The following RAPGEF6 variants were observed in gnomAD, a reference collection of about 807,000 sequenced individuals.
RAPGEF6 encodes the protein PDZ domain containing guanine nucleotide exchange factor (GEF) 2.
In RAPGEF6, 56 loss-of-function variants were observed where a neutral mutation model predicts 171.4. The observed-to-expected ratio is 0.33, with a 90% CI of 0.26 to 0.41. The LOEUF is 0.41. Ranked by LOEUF, RAPGEF6 falls within the 10% of genes least tolerant of loss-of-function variation. The pLI, the probability that RAPGEF6 is intolerant of heterozygous loss-of-function variation, is 1.00. For missense variants in RAPGEF6, 1,674 were observed against 1,921.4 expected (o/e 0.87, Z 2.41); for synonymous variants, 692 against 650.1 (o/e 1.06, Z -0.98).
intron 1 of RAPGEF6, among the ~76,000 whole-genome samples, chr5:131,608,952 A>C (rs1764779565): frequency 6.6e-6 from 1 of 151,752 alleles, no homozygotes; most frequent in Non-Finnish European, 1.5e-5. Flanking sequence ...AGTTTTATTT[A>C]TTTATTTATT....
rs374365823 is a variant in RAPGEF6 at position 131,552,787 on chromosome 5, C to T, written c.352-4597G>A. Among the ~76,000 whole-genome samples the T allele has an allele frequency of 2.5e-3, 386 of 152,136 alleles. 1 individual carries two copies. Among genetic ancestry groups the T allele is most frequent in the African/African-American group, 8.9e-3 (371 of 41,498 alleles). ...ACAAAAATGCAACTTTAACATAAAC[C>T]TCAAAGTATTACTGTACCTAAAGTT... On this transcript the variant is annotated intron_variant, in intron 5 of 27. Coordinates refer to ENST00000509018, the MANE Select transcript of RAPGEF6 (RefSeq NM_016340.6).
rs1242815650 is a variant in RAPGEF6, at chr5:131,635,044, G to T, written c.-14C>A. ...GGGTGAGTTCATGGCCACGGCCCGG[G>T]TACTCCGCAGCCTGCCCTTAGCAGC... On this transcript the variant is annotated 5_prime_UTR_variant, in exon 1 of 28. Coordinates refer to ENST00000509018, the MANE Select transcript of RAPGEF6 (RefSeq NM_016340.6). 6.3e-7 allele frequency: 1 copy of T among 1,598,942 alleles called. No homozygotes were observed. Among genetic ancestry groups the T allele is most frequent in the South Asian group, 1.1e-5 (1 of 90,484 alleles).
chr5:131,429,054 T>G lies in RAPGEF6; in HGVS notation c.4628A>C (p.His1543Pro). The change falls in exon 27 of 28, where the codon CAT becomes CCT. Residue 1543 changes from histidine (H) to proline (P), a missense_variant. By Grantham distance (77) the His-to-Pro change is moderately conservative. Around this residue, in one of 3 missense-constraint regions of RAPGEF6, gnomAD observed 552 missense variants for 574.2 expected, o/e 0.96. Transcript: ENST00000509018. ...SVAVQRSKMMHNSLSRLPPAS... is the reference protein window; with the variant it reads ...SVAVQRSKMMPNSLSRLPPAS... ...TGGTGGCAGTCTAGAGAGGCTGTTA[T>G]GCATCATCTTTGACCTCTGCACTGC... The G allele has an allele frequency of 6.2e-7, 1 of 1,614,202 alleles. No individual in the cohort carries two copies.
At chr5:131,454,453 C>T (rs116257470) in intron 20 of RAPGEF6, among the ~76,000 whole-genome samples, 1,615 of 152,100 alleles carry the variant, frequency 0.011, 20 homozygotes, top group African/African-American at 0.036. Context: ...CAGATTAAGA[C>T]CCAAAGGGGA....
intron 17 of RAPGEF6, among the ~76,000 whole-genome samples, chr5:131,469,172 G>C (rs1036055532): frequency 2.0e-5 from 3 of 152,170 alleles, no homozygotes; most frequent in Non-Finnish European, 4.4e-5. Flanking sequence ...CAGTTAAGTG[G>C]AAGAAAAGTA....
intron 6 of RAPGEF6, among the ~76,000 whole-genome samples, chr5:131,546,995 T>C (rs763289013): frequency 6.6e-5 from 10 of 152,178 alleles, no homozygotes; most frequent in Admixed American, 2.0e-4. Flanking sequence ...GATGGGAAAT[T>C]TACAATACAA....
Position 131,439,686 on chromosome 5 carries a change from T to C in RAPGEF6, c.3640A>G (p.Thr1214Ala). Residue 1214 changes from threonine to alanine, a missense_variant, in exon 24 of 28, where the codon ACA becomes GCA. By Grantham distance (58) the Thr-to-Ala change is moderately conservative. This residue lies in a region of RAPGEF6 where 552 missense variants were observed against 574.2 expected (regional missense o/e 0.96). Coordinates refer to ENST00000509018, the MANE Select transcript of RAPGEF6 (RefSeq NM_016340.6). ...TTCTTACCACTTATTTCTTCAGTTG[T>C]TCCTAAAACTTTCTGAGGTAAACTT... Reference protein sequence around the residue: ...NTSLPQKVLGTTEEISGKKHT... With the variant: ...NTSLPQKVLGATEEISGKKHT... 6 of 1,611,818 alleles carry C rather than the reference T, an allele frequency of 3.7e-6. No homozygotes were observed. Among genetic ancestry groups the C allele is most frequent in the East Asian group, 2.2e-5 (1 of 44,864 alleles).
intron 17 of RAPGEF6, among the ~76,000 whole-genome samples, chr5:131,468,104 G>C (rs1008500886): frequency 1.2e-4 from 18 of 151,552 alleles, no homozygotes; most frequent in African/African-American, 4.4e-4. Flanking sequence ...GAGGTGGGCG[G>C]ATCACGAGGT....
At chr5:131,581,241 A>C (rs946936565) in intron 4 of RAPGEF6, among the ~76,000 whole-genome samples, 8 of 152,306 alleles carry the variant, frequency 5.3e-5, no homozygotes, top group African/African-American at 1.9e-4. Context: ...GTTTTTACTT[A>C]AATTAATCTG....
chr5:131,633,800 T>A (rs1252068963), intron 1 of RAPGEF6, among the ~76,000 whole-genome samples: 1 of 152,228 alleles, frequency 6.6e-6, no homozygotes, highest in Non-Finnish European at 1.5e-5. Context: ...CCTTGTATAA[T>A]ACTTTCCAAT....
chr5:131,534,094 A>G (rs765368551), intron 6 of RAPGEF6, among the ~76,000 whole-genome samples: 3 of 152,132 alleles, frequency 2.0e-5, no homozygotes, highest in African/African-American at 4.8e-5. Context: ...GAGAAAAACA[A>G]TCACTGAACA....
chr5:131,504,511 G>C, intron 11 of RAPGEF6, 115 bp downstream of exon 11: 1 of 1,091,290 alleles, frequency 9.2e-7, no homozygotes. Context: ...ATTTAAGTTA[G>C]ATGCCAAAGT....
chr5:131,618,881 A>C (rs1765432682), intron 1 of RAPGEF6, among the ~76,000 whole-genome samples: 1 of 152,152 alleles, frequency 6.6e-6, no homozygotes, highest in Admixed American at 6.5e-5. Flanking sequence ...AATGTGTGTC[A>C]GTGATGGGAC....
At chr5:131,439,772 G>A in intron 23 of RAPGEF6, 57 bp from the exon 24 acceptor site, 1 of 1,583,766 alleles carries the variant, frequency 6.3e-7, no homozygotes. Flanking sequence ...AATGTCTATA[G>A]TTGCCTAAAT....
chr5:131,600,710 T>C (rs577768363), intron 3 of RAPGEF6, among the ~76,000 whole-genome samples: 20 of 152,108 alleles, frequency 1.3e-4, no homozygotes, highest in African/African-American at 1.9e-4. Context: ...AAATGACTAA[T>C]AAATATTTTT....
At chr5:131,507,688 A>T (rs938583679) in intron 9 of RAPGEF6, among the ~76,000 whole-genome samples, 5 of 152,206 alleles carry the variant, frequency 3.3e-5, no homozygotes, top group African/African-American at 1.2e-4. Context: ...AGAAATAAGG[A>T]ATAAGAAAAA....
At chr5:131,475,346 T>G (rs1420048294) in intron 16 of RAPGEF6, among the ~76,000 whole-genome samples, 2 of 152,284 alleles carry the variant, frequency 1.3e-5, no homozygotes, top group African/African-American at 4.8e-5. Context: ...CGTTTAAAAA[T>G]ATTCCTCAAT....
intron 3 of RAPGEF6, among the ~76,000 whole-genome samples, chr5:131,598,383 A>G (rs940402887): frequency 1.3e-5 from 2 of 152,212 alleles, no homozygotes; most frequent in African/African-American, 4.8e-5. Context: ...GACAGAAGCA[A>G]TAATTTTTAA....
Position 131,507,926 on chromosome 5 carries a change from A to G in RAPGEF6, c.942+145T>C, listed in dbSNP as rs938328999. ...AAAAACTTACCTCTTCAGAAATTGT[A>G]ACTAACTCAAACTTGGCATTTATTT... On this transcript the variant is annotated intron_variant, in intron 9 of 27. Coordinates refer to ENST00000509018, the MANE Select transcript of RAPGEF6 (RefSeq NM_016340.6). 1.9e-5 allele frequency: 14 copies of G among 752,062 alleles called. No individual in the cohort carries two copies. In the Admixed American group the frequency reaches 2.0e-4, roughly 11 times the overall value. The allele number at this position is 752,062 out of a possible 1,614,324, so 46.6% of individuals were successfully genotyped here. A position where few individuals can be genotyped will look rare whatever the true frequency, so the allele number is the denominator to read the frequency against.
Sources: gnomAD v4.1 joint callset for allele counts (sites outside exome capture counted in the v4.1 genomes callset) on GRCh38, gnomAD v4.1.1 for gene constraint, gnomAD v4.1.1 regional missense constraint, MANE v1.5 for transcripts, NCBI Gene and HGNC (gene_info 2026-07-23, HGNC 2026-07-21) for gene names.